Variants in ADAMTS12 observed in about 807,000 individuals in gnomAD.
ADAMTS12 encodes the protein ADAM metallopeptidase with thrombospondin type 1 motif 12, also known as A disintegrin and metalloproteinase with thrombospondin motifs 12.
A neutral mutation model predicts 167.8 loss-of-function variants in ADAMTS12; 118 were observed. That is an observed-to-expected ratio of 0.70 (90% confidence interval 0.61 to 0.82). The LOEUF is 0.82. ADAMTS12 is among the 40% of genes least tolerant of loss of function. ADAMTS12 has a pLI of 0.00. For synonymous variants in ADAMTS12, 704 were observed against 716.9 expected (o/e 0.98, Z 0.29); for missense variants, 1,916 against 1,998.8 (o/e 0.96, Z 0.79).
intron 5 of ADAMTS12, among the ~76,000 whole-genome samples, chr5:33,671,970 C>T (rs546629243): frequency 1.4e-5 from 2 of 142,770 alleles, no homozygotes; most frequent in East Asian, 4.2e-4. Context: ...ACACATCAAA[C>T]TCACATACTC....
At chr5:33,737,813 C>T (rs1744422653) in intron 3 of ADAMTS12, among the ~76,000 whole-genome samples, 1 of 152,156 alleles carries the variant, frequency 6.6e-6, no homozygotes, top group Non-Finnish European at 1.5e-5. Context: ...TTTTTATTTT[C>T]AGGGGGCTGT....
intron 16 of ADAMTS12, among the ~76,000 whole-genome samples, chr5:33,601,104 A>AGTGTGT (rs1554025623): frequency 1.6e-4 from 13 of 80,170 alleles, no homozygotes; most frequent in African/African-American, 6.9e-4. Flanking sequence ...AACACATTTA[A>AGTGTGT]GAGTGTGTGT....
intron 2 of ADAMTS12, among the ~76,000 whole-genome samples, chr5:33,795,301 A>G (rs190490190): frequency 6.6e-6 from 1 of 152,304 alleles, no homozygotes; most frequent in African/African-American, 2.4e-5. Flanking sequence ...AAATGTCTCA[A>G]TATATTATAA....
intron 3 of ADAMTS12, among the ~76,000 whole-genome samples, chr5:33,742,625 A>T (rs1744633190): frequency 6.6e-6 from 1 of 152,208 alleles, no homozygotes; most frequent in African/African-American, 2.4e-5. Flanking sequence ...ATTAACAGAC[A>T]TTTATTAAAT....
At position 33,599,335 on chromosome 5, in the gene ADAMTS12, C is replaced by T. The variant is rs185091642; in HGVS notation, c.2528-3275G>A. The stretch of plus-strand genomic sequence containing the variant: ...GTCAAGACCCAGAGCTGCAGTTGAG[C>T]TTGGCTTGCTATAGTCCAACCATGA... On this transcript the variant is annotated intron_variant, in intron 16 of 23. Coordinates refer to ENST00000504830, the MANE Select transcript of ADAMTS12 (RefSeq NM_030955.4). 1.4e-4 allele frequency among the ~76,000 whole-genome samples: 22 copies of T among 152,340 alleles called. No homozygotes were observed. The East Asian group carries it at 4.2e-3, about 29-fold the overall frequency.
At position 33,624,364 on chromosome 5, in the gene ADAMTS12, G is replaced by A. The variant is rs569470036; in HGVS notation, c.2023-13C>T. On this transcript the variant is annotated splice_polypyrimidine_tract_variant and intron_variant, in intron 13 of 23. Transcript: ENST00000504830. Reference sequence around the variant, plus strand: ...CACAGCCAACCATCTGTGGGGAAGAGAGGTGGAGGATGAATGCCCAGGCAG... The same window carrying A: ...CACAGCCAACCATCTGTGGGGAAGAAAGGTGGAGGATGAATGCCCAGGCAG... 5 of 1,613,716 alleles carry A rather than the reference G, an allele frequency of 3.1e-6. No homozygotes were observed. The highest frequency in any genetic ancestry group is 3.3e-5 in the Admixed American group (2 of 60,006).
chr5:33,712,346 G>T lies in ADAMTS12; in HGVS notation c.635-28291C>A, dbSNP rs75694214. The stretch of plus-strand genomic sequence containing the variant: ...CCCCAAAAGCACATACCACCCTCAA[G>T]AAGTAAAATGCTTTCAATGCTCTTT... On this transcript the variant is annotated intron_variant, in intron 3 of 23. Coordinates refer to ENST00000504830, the MANE Select transcript of ADAMTS12 (RefSeq NM_030955.4). Among the ~76,000 whole-genome samples, 24 of 152,230 alleles carry T rather than the reference G, an allele frequency of 1.6e-4. No individual in the cohort carries two copies. In the East Asian group the frequency reaches 4.4e-3, roughly 28 times the overall value.
intron 16 of ADAMTS12, among the ~76,000 whole-genome samples, chr5:33,602,640 A>G (rs1738246086): frequency 6.6e-6 from 1 of 152,188 alleles, no homozygotes; most frequent in African/African-American, 2.4e-5. Context: ...TGCTTTCTAA[A>G]TATCAGTATA....
At chr5:33,666,587 G>A (rs549113455) in intron 5 of ADAMTS12, among the ~76,000 whole-genome samples, 1 of 152,070 alleles carries the variant, frequency 6.6e-6, no homozygotes, top group Non-Finnish European at 1.5e-5. Context: ...CCACCTCCCA[G>A]GTTCAAGGGA....
chr5:33,549,311 G>A lies in ADAMTS12; in HGVS notation c.4198C>T (p.Leu1400=), dbSNP rs763270176. Residue 1400 remains leucine (L), a synonymous_variant, in exon 21 of 24, where the codon CTG becomes TTG. Transcript: ENST00000504830. ...AGGAACTGGCAGTGAAATGGCCTCA[G>A]GTTCCGGTGGTCCCGGCTGTCCACG... is the stretch of plus-strand genomic sequence containing the variant. ...QCVDSRDHRN[L]RPFHCQFLAG... The A allele has an allele frequency of 6.8e-6, 11 of 1,614,104 alleles. No individual in the cohort carries two copies. In the Admixed American group the frequency reaches 1.0e-4, roughly 15 times the overall value.
At chr5:33,561,703 C>A (rs1312065840) in intron 19 of ADAMTS12, among the ~76,000 whole-genome samples, 4 of 152,168 alleles carry the variant, frequency 2.6e-5, no homozygotes, top group Admixed American at 2.0e-4. Context: ...ACTGCTTGAA[C>A]CTGGGAATTT....
At position 33,678,096 on chromosome 5, in the gene ADAMTS12, C is replaced by T. The variant is rs939809088; in HGVS notation, c.915+4922G>A. Among the ~76,000 whole-genome samples, 8 of 152,114 alleles carry T rather than the reference C, an allele frequency of 5.3e-5. 1 individual carries two copies. Among genetic ancestry groups the T allele is most frequent in the Admixed American group, 2.0e-4 (3 of 15,272 alleles). On this transcript the variant is annotated intron_variant, in intron 5 of 23. Coordinates refer to ENST00000504830, the MANE Select transcript of ADAMTS12 (RefSeq NM_030955.4). Reference sequence around the variant, plus strand: ...AAAGTCACTGATAAAAGGAATCTACCTCAGAGACCCAATCTCGGGATTCCC... The same window carrying T: ...AAAGTCACTGATAAAAGGAATCTACTTCAGAGACCCAATCTCGGGATTCCC...
At chr5:33,697,569 TTTTTC>T (rs1474930402) in intron 3 of ADAMTS12, among the ~76,000 whole-genome samples, 2 of 51,130 alleles carry the variant, frequency 3.9e-5, no homozygotes, top group African/African-American at 7.4e-5. Flanking sequence ...CCTTTTTCCC[TTTTTC>T]TCCTTTTCTT....
At chr5:33,597,064 C>T (rs1458932484) in intron 16 of ADAMTS12, among the ~76,000 whole-genome samples, 1 of 152,146 alleles carries the variant, frequency 6.6e-6, no homozygotes, top group East Asian at 1.9e-4. Context: ...ACCCAAACCT[C>T]TCAACAACCC....
At chr5:33,813,456 C>T (rs988014113) in intron 2 of ADAMTS12, among the ~76,000 whole-genome samples, 1 of 152,196 alleles carries the variant, frequency 6.6e-6, no homozygotes, top group Non-Finnish European at 1.5e-5. Flanking sequence ...AAGTTCTTTG[C>T]AGCCATTCCC....
intron 5 of ADAMTS12, among the ~76,000 whole-genome samples, chr5:33,675,855 T>C (rs1741882141): frequency 6.6e-6 from 1 of 152,112 alleles, no homozygotes; most frequent in Non-Finnish European, 1.5e-5. Context: ...TAGTTATGGA[T>C]TAAATTGAGG....
At chr5:33,787,416 G>T (rs1746369481) in intron 2 of ADAMTS12, among the ~76,000 whole-genome samples, 1 of 152,212 alleles carries the variant, frequency 6.6e-6, no homozygotes, top group South Asian at 2.1e-4. Context: ...CTAGCAAATT[G>T]CTTGAAATTC....
chr5:33,591,724 C>T (rs192990904), intron 17 of ADAMTS12, among the ~76,000 whole-genome samples: 1 of 152,256 alleles, frequency 6.6e-6, no homozygotes, highest in Admixed American at 6.5e-5. Flanking sequence ...TCATTTCGAT[C>T]AGAAGGTCTC....
intron 9 of ADAMTS12, among the ~76,000 whole-genome samples, chr5:33,646,561 G>A (rs1330190923): frequency 6.6e-6 from 1 of 152,140 alleles, no homozygotes; most frequent in Non-Finnish European, 1.5e-5. Flanking sequence ...TGCTCATGAA[G>A]TCAACACAAC....
Sources: allele counts gnomAD v4.1 joint callset (sites outside exome capture counted in the v4.1 genomes callset), GRCh38; gene constraint gnomAD v4.1.1; transcripts MANE v1.5; gene names NCBI Gene and HGNC (gene_info 2026-07-23, HGNC 2026-07-21).